Variants in CCNH observed in about 807,000 individuals in gnomAD.
CCNH encodes cyclin H, also known as cyclin-H.
CCNH carries 31 observed loss-of-function variants against 41.9 expected under a neutral mutation model. That is an observed-to-expected ratio of 0.74 (90% confidence interval 0.56 to 1.00). The LOEUF is 1.00. Ranked by LOEUF, CCNH falls within the 50% of genes least tolerant of loss-of-function variation. The pLI, the probability that CCNH is intolerant of heterozygous loss-of-function variation, is 0.00. For synonymous variants in CCNH, 138 were observed against 136.1 expected (o/e 1.01, Z -0.10); for missense variants, 362 against 388.4 (o/e 0.93, Z 0.57).
At chr5:87,326,099 G>A (rs1757212776) in intron 9 of CCNH, among the ~76,000 whole-genome samples, 1 of 152,086 alleles carries the variant, frequency 6.6e-6, no homozygotes, top group East Asian at 1.9e-4. Flanking sequence ...AGCCTCTCGA[G>A]TAGCTGGGAT....
chr5:87,313,762 A>G (rs1409352860), downstream of CCNH, among the ~76,000 whole-genome samples: 9 of 152,262 alleles, frequency 5.9e-5, no homozygotes, highest in Non-Finnish European at 1.0e-4. Flanking sequence ...CAAGGGATCA[A>G]CGAGATGACA....
At chr5:87,364,261 CTTCT>C (rs1425835399) in intron 9 of CCNH, among the ~76,000 whole-genome samples, 4 of 152,210 alleles carry the variant, frequency 2.6e-5, no homozygotes, top group Admixed American at 6.5e-5. Context: ...AAATATTTCT[CTTCT>C]TTAAGAGAAA....
chr5:87,408,200 T>A lies in CCNH; in HGVS notation c.315-14A>T. ...GCACAAGTGAGCCTAGAGGAAAAAA[T>A]AAGGAGGCAGGAGGCAGGGGGTGGG... On this transcript the variant is annotated splice_polypyrimidine_tract_variant and intron_variant, in intron 3 of 8. Coordinates refer to ENST00000256897, the MANE Select transcript of CCNH (RefSeq NM_001239.4). 1.9e-5 allele frequency: 27 copies of A among 1,436,762 alleles called. No individual in the cohort carries two copies. Among genetic ancestry groups the A allele is most frequent in the Non-Finnish European group, 2.2e-5 (23 of 1,058,012 alleles). 89.0% of individuals were successfully genotyped at this position (1,436,762 alleles called of 1,614,324 possible). A position where few individuals can be genotyped will look rare whatever the true frequency, so the allele number is the denominator to read the frequency against.
chr5:87,353,238 C>T (rs372660229), intron 9 of CCNH: 1 of 1,595,968 alleles, frequency 6.3e-7, no homozygotes, highest in East Asian at 2.2e-5. Context: ...CAATGCAGGT[C>T]AGTGTTGCAT....
chr5:87,392,858 T>C (rs1247165768), downstream of CCNH: 1 of 153,912 alleles, frequency 6.5e-6, no homozygotes, highest in African/African-American at 2.4e-5. Flanking sequence ...GTGGGAAAAT[T>C]TTCAGTGATA....
chr5:87,403,949 T>G (rs1269104984), intron 5 of CCNH, among the ~76,000 whole-genome samples: 1 of 152,238 alleles, frequency 6.6e-6, no homozygotes, highest in East Asian at 1.9e-4. Context: ...TAATAAATGT[T>G]TGCTTAGTAA....
At chr5:87,400,471 A>G (rs1020184134) in intron 6 of CCNH, among the ~76,000 whole-genome samples, 3 of 152,214 alleles carry the variant, frequency 2.0e-5, no homozygotes, top group Non-Finnish European at 4.4e-5. Flanking sequence ...ACTAAATTCT[A>G]TGATCCTAAC....
At chr5:87,402,151 T>C (rs1763468588) in intron 5 of CCNH, among the ~76,000 whole-genome samples, 2 of 152,154 alleles carry the variant, frequency 1.3e-5, no homozygotes, top group South Asian at 4.1e-4. Context: ...CCCAAAGTAA[T>C]AAAGCTAGGA....
chr5:87,393,097 T>G (rs1044851172), downstream of CCNH, among the ~76,000 whole-genome samples: 9 of 151,436 alleles, frequency 5.9e-5, no homozygotes, highest in African/African-American at 2.2e-4. Flanking sequence ...CCCACAAAAC[T>G]CAAGCCTACA....
rs78178719 is a variant in CCNH at position 87,320,965 on chromosome 5, G to T, written c.*91-2068C>A. Among the ~76,000 whole-genome samples, 10 of 152,254 alleles carry T rather than the reference G, an allele frequency of 6.6e-5. No individual in the cohort carries two copies. The East Asian group carries it at 1.9e-3, about 29-fold the overall frequency. ...TTTTGAATGCCATGGTGAATAGTTT[G>T]TGCTTTATTTGTTATTGAATAGCAA... is the stretch of plus-strand genomic sequence containing the variant. On this transcript the variant is annotated intron_variant and NMD_transcript_variant, in intron 9 of 9. Transcript: ENST00000645953.
chr5:87,342,168 T>C (rs1467640774), intron 9 of CCNH, among the ~76,000 whole-genome samples: 4 of 151,512 alleles, frequency 2.6e-5, no homozygotes, highest in African/African-American at 4.8e-5. Context: ...TTTTCTTTTT[T>C]TTTTTTTTTG....
intron 9 of CCNH, chr5:87,331,234 A>G (rs1757573725): frequency 1.7e-6 from 2 of 1,165,232 alleles, no homozygotes; most frequent in Non-Finnish European, 2.6e-6. Context: ...GTAAAATGTA[A>G]ATGTTTAAGT....
At chr5:87,388,296 A>G (rs917246199), downstream of CCNH, among the ~76,000 whole-genome samples, 1 of 152,176 alleles carries the variant, frequency 6.6e-6, no homozygotes, top group Non-Finnish European at 1.5e-5. Flanking sequence ...TTAGCAATGT[A>G]AAGCAAATAC....
upstream of CCNH, among the ~76,000 whole-genome samples, chr5:87,378,705 A>G (rs551180591): frequency 4.5e-4 from 68 of 152,308 alleles, no homozygotes; most frequent in Admixed American, 1.7e-3. Context: ...TGCAAAATGG[A>G]CTTCTTAAAA....
exon 1 of CCNH, chr5:87,376,409 G>T: frequency 1.9e-6 from 3 of 1,613,918 alleles, no homozygotes; most frequent in Non-Finnish European, 1.7e-6. Flanking sequence ...TGCGCTGCCA[G>T]TTGAGCCGAT....
At chr5:87,339,100 C>T (rs905657106) in intron 9 of CCNH, among the ~76,000 whole-genome samples, 1 of 152,126 alleles carries the variant, frequency 6.6e-6, no homozygotes, top group Non-Finnish European at 1.5e-5. Flanking sequence ...TTCAAAGCTA[C>T]TGTTTTTAAA....
At chr5:87,323,116 A>G (rs955581062) in intron 9 of CCNH, among the ~76,000 whole-genome samples, 1 of 152,228 alleles carries the variant, frequency 6.6e-6, no homozygotes, top group Non-Finnish European at 1.5e-5. Context: ...TGATATTTCC[A>G]TGACTGTGAA....
intron 9 of CCNH, chr5:87,331,287 T>A: frequency 6.7e-7 from 1 of 1,491,676 alleles, no homozygotes; most frequent in Non-Finnish European, 9.3e-7. Flanking sequence ...GTTTTTCAAG[T>A]GTCCATAGAA....
chr5:87,342,702 A>T (rs1580310825), intron 9 of CCNH, among the ~76,000 whole-genome samples: 1 of 152,312 alleles, frequency 6.6e-6, no homozygotes, highest in Non-Finnish European at 1.5e-5. Flanking sequence ...AACTGTGGGA[A>T]GTAGAAAACT....
Sources: gnomAD v4.1 joint callset for allele counts (sites outside exome capture counted in the v4.1 genomes callset) on GRCh38, gnomAD v4.1.1 for gene constraint, MANE v1.5 for transcripts, NCBI Gene and HGNC (gene_info 2026-07-23, HGNC 2026-07-21) for gene names.